DOCK3: variants seen among roughly 807,000 people sequenced by gnomAD.
DOCK3 encodes the protein dedicator of cytokinesis 3.
A neutral mutation model predicts 265.6 loss-of-function variants in DOCK3; 60 were observed. The observed-to-expected ratio is 0.23, with a 90% CI of 0.18 to 0.28. The LOEUF is 0.28. DOCK3 is among the 10% of genes least tolerant of loss of function. The pLI, the probability that DOCK3 is intolerant of heterozygous loss-of-function variation, is 1.00. For missense variants in DOCK3, 1,981 were observed against 2,594.3 expected, an observed-to-expected ratio of 0.76 and a Z score of 5.14; for synonymous variants, 881 against 938.0, an observed-to-expected ratio of 0.94 and a Z score of 1.11.
chr3:50,812,790 A>G (rs1354849108), intron 2 of DOCK3, among the ~76,000 whole-genome samples: 1 of 152,232 alleles, frequency 6.6e-6, no homozygotes, highest in Non-Finnish European at 1.5e-5. Context: ...ATAGTGTTTA[A>G]TCAAATATCT....
chr3:50,901,407 G>A (rs1013525626), intron 4 of DOCK3, among the ~76,000 whole-genome samples: 2 of 152,138 alleles, frequency 1.3e-5, no homozygotes, highest in African/African-American at 4.8e-5. Context: ...TAGCTTGCTT[G>A]GCTCCATGGG....
chr3:51,250,624 A>AAAAC (rs370100444), intron 22 of DOCK3, among the ~76,000 whole-genome samples: 2 of 152,158 alleles, frequency 1.3e-5, no homozygotes, highest in South Asian at 4.1e-4. Context: ...ATCTCAAGAG[A>AAAAC]AAACAAACAA....
At chr3:51,160,421 C>T (rs963048943) in intron 11 of DOCK3, 134 bp from the exon 12 acceptor site, 9 of 1,163,478 alleles carry the variant, frequency 7.7e-6, no homozygotes, top group Non-Finnish European at 1.0e-5. Context: ...GGATGACTCC[C>T]TTCAGCCCTG....
At chr3:51,376,079 CCT>C (rs1390508307) in intron 51 of DOCK3, among the ~76,000 whole-genome samples, 7 of 152,194 alleles carry the variant, frequency 4.6e-5, no homozygotes, top group African/African-American at 1.7e-4. Context: ...TGCCTCCTGC[CCT>C]GAGCCCACCT....
chr3:51,071,740 GC>G (rs2081876291), intron 6 of DOCK3, among the ~76,000 whole-genome samples: 1 of 152,102 alleles, frequency 6.6e-6, no homozygotes, highest in Admixed American at 6.5e-5. Flanking sequence ...TGCATCTTTT[GC>G]TGTGAAGATA....
chr3:50,910,582 A>G (rs1278084240), intron 4 of DOCK3, among the ~76,000 whole-genome samples: 1 of 152,124 alleles, frequency 6.6e-6, no homozygotes, highest in Non-Finnish European at 1.5e-5. Context: ...TCAGGTGCCT[A>G]CTGCTGGGGT....
rs2088671565 is a variant in DOCK3, at chr3:51,381,830, T to C, written c.*271T>C. Reference sequence around the variant, plus strand: ...TTTCTTTCCTTTATGCAGTAGATGCTTTCTTCCTCCTGCAGTTCTGGACCA... The same window carrying C: ...TTTCTTTCCTTTATGCAGTAGATGCCTTCTTCCTCCTGCAGTTCTGGACCA... On this transcript the variant is annotated 3_prime_UTR_variant, in exon 53 of 53. Transcript: ENST00000266037. This position sits in a 1 kb window ranked among gnomAD's most constrained non-coding sequence, Gnocchi z 5.6. 5.2e-6 allele frequency: 2 copies of C among 384,456 alleles called. No individual in the cohort carries two copies. Among genetic ancestry groups the C allele is most frequent in the Non-Finnish European group, 9.3e-6 (2 of 215,436 alleles). The allele number at this position is 384,456 out of a possible 1,614,324, so 23.8% of individuals were successfully genotyped here. A position where few individuals can be genotyped will look rare whatever the true frequency, so the allele number is the denominator to read the frequency against.
intron 1 of DOCK3, among the ~76,000 whole-genome samples, chr3:50,736,263 G>T (rs1427979077): frequency 6.6e-6 from 1 of 152,116 alleles, no homozygotes; most frequent in Non-Finnish European, 1.5e-5. Context: ...GTATTCCATG[G>T]TGTATATGTG....
chr3:51,333,892 A>G (rs73078622), intron 35 of DOCK3, among the ~76,000 whole-genome samples: 7,542 of 151,366 alleles, frequency 0.05, 255 homozygotes, highest in Middle Eastern at 0.082. Context: ...TTTGTCACCC[A>G]GACTGGAGGG....
intron 27 of DOCK3, 95 bp from the exon 28 acceptor site, chr3:51,310,137 C>A: frequency 1.1e-6 from 1 of 907,086 alleles, no homozygotes; most frequent in Non-Finnish European, 1.8e-6. Flanking sequence ...ACTGGTCCCA[C>A]CCATTGTCAT....
intron 4 of DOCK3, among the ~76,000 whole-genome samples, chr3:50,903,702 C>T (rs1284239477): frequency 6.6e-6 from 1 of 152,056 alleles, no homozygotes; most frequent in Non-Finnish European, 1.5e-5. Context: ...ATAGAAGTCC[C>T]TCCTTTTAAT....
intron 12 of DOCK3, among the ~76,000 whole-genome samples, chr3:51,165,401 T>C (rs1337136077): frequency 6.6e-6 from 1 of 152,250 alleles, no homozygotes. Context: ...ATTACCACAT[T>C]CAAGCTAAGG....
chr3:50,996,394 T>C (rs1328877819), intron 5 of DOCK3, among the ~76,000 whole-genome samples: 1 of 152,104 alleles, frequency 6.6e-6, no homozygotes, highest in South Asian at 2.1e-4. Flanking sequence ...ATTTTTTGTA[T>C]TTTTAGTAGA....
intron 4 of DOCK3, among the ~76,000 whole-genome samples, chr3:50,890,947 TTAATA>T (rs2048613801): frequency 3.3e-5 from 5 of 152,044 alleles, no homozygotes; most frequent in Admixed American, 2.6e-4. Flanking sequence ...GGCCTACACG[TTAATA>T]ATGGTGGAGA....
chr3:51,181,566 C>T (rs2087296699), intron 12 of DOCK3, among the ~76,000 whole-genome samples: 1 of 151,882 alleles, frequency 6.6e-6, no homozygotes, highest in South Asian at 2.1e-4. Flanking sequence ...TTCCTTTTAA[C>T]TGCTGTAAGG....
chr3:51,010,864 C>G (rs2078920878), intron 5 of DOCK3, among the ~76,000 whole-genome samples: 1 of 152,270 alleles, frequency 6.6e-6, no homozygotes, highest in East Asian at 1.9e-4. Flanking sequence ...GATTTTATTT[C>G]TCCTTCACTT....
intron 5 of DOCK3, among the ~76,000 whole-genome samples, chr3:50,959,569 T>G (rs1427648320): frequency 6.8e-6 from 1 of 147,240 alleles, no homozygotes; most frequent in African/African-American, 2.5e-5. Flanking sequence ...TATATATATA[T>G]AAAATTTATT....
chr3:50,729,938 C>A (rs2038089449), intron 1 of DOCK3, among the ~76,000 whole-genome samples: 1 of 151,328 alleles, frequency 6.6e-6, no homozygotes, highest in Non-Finnish European at 1.5e-5. Context: ...CCTGCCTCAG[C>A]CTCCCGACTA....
chr3:50,977,334 G>A (rs1001841892), intron 5 of DOCK3, among the ~76,000 whole-genome samples: 3 of 152,016 alleles, frequency 2.0e-5, no homozygotes, highest in African/African-American at 7.3e-5. Context: ...TGTAAGGCAG[G>A]CCTGGTGGTG....
Sources: gnomAD v4.1 joint callset for allele counts (sites outside exome capture counted in the v4.1 genomes callset) on GRCh38, gnomAD v4.1.1 for gene constraint, Gnocchi (gnomAD v3.1) non-coding constraint, MANE v1.5 for transcripts, NCBI Gene and HGNC (gene_info 2026-07-23, HGNC 2026-07-21) for gene names.